The following CYP2C19 variants were observed in gnomAD, a reference collection of about 807,000 sequenced individuals.
The protein encoded by CYP2C19 is cytochrome P450 family 2 subfamily C member 19, also known as cytochrome P450 2C19.
In CYP2C19, 59 loss-of-function variants were observed where a neutral mutation model predicts 40.9. The ratio of observed to expected loss-of-function variants is 1.44; its 90% CI spans 1.17 to 1.79. The LOEUF (loss-of-function observed/expected upper bound fraction) is 1.79, where lower values mean the gene tolerates loss of function less well. Ranked by LOEUF, CYP2C19 falls within the 40% of genes most tolerant of loss-of-function variation. The probability of loss-of-function intolerance (pLI) is 0.00; values close to 1 mark genes in which losing one functional copy is unlikely to be tolerated. For synonymous variants in CYP2C19, 253 were observed against 208.7 expected (o/e 1.21, Z -1.83); for missense variants, 754 against 596.9 (o/e 1.26, Z -2.74).
chr10:94,803,118 T>A (rs1157867245), intron 5 of CYP2C19, among the ~76,000 whole-genome samples: 1 of 152,196 alleles, frequency 6.6e-6, no homozygotes, highest in Non-Finnish European at 1.5e-5. Context: ...TTTGGTGGTT[T>A]TACAATATTC....
Position 94,781,913 on chromosome 10 carries a change from G to A in CYP2C19, c.735G>A (p.Leu245=), listed in dbSNP as rs1446402557. The part of the protein sequence containing the change: ...KNLAFMESDI[L]EKVKEHQESM... ...TTGCTTTTATGGAAAGTGATATTTT[G>A]GAGAAAGTAAAAGAACACCAAGAAT... Residue 245 remains leucine, a synonymous_variant, in exon 5 of 9, where the codon TTG becomes TTA. Transcript: ENST00000371321. The A allele has an allele frequency of 5.3e-6, 8 of 1,501,204 alleles. No individual in the cohort carries two copies. The highest frequency in any genetic ancestry group is 7.0e-6 in the Non-Finnish European group (8 of 1,136,900). 93.0% of individuals were successfully genotyped at this position (1,501,204 alleles called of 1,614,324 possible).
intron 1 of CYP2C19, among the ~76,000 whole-genome samples, chr10:94,764,338 G>A (rs1025797674): frequency 6.6e-6 from 1 of 152,120 alleles, no homozygotes; most frequent in Non-Finnish European, 1.5e-5. Flanking sequence ...GTGCTGATTG[G>A]TGTGTTTACA....
intron 1 of CYP2C19, among the ~76,000 whole-genome samples, chr10:94,766,910 G>A (rs566182989): frequency 6.6e-6 from 1 of 152,188 alleles, no homozygotes; most frequent in African/African-American, 2.4e-5. Flanking sequence ...CCATAGATAG[G>A]GAGGTAGAGG....
At chr10:94,846,576 T>C (rs942675690) in intron 7 of CYP2C19, among the ~76,000 whole-genome samples, 11 of 152,180 alleles carry the variant, frequency 7.2e-5, no homozygotes, top group African/African-American at 2.2e-4. Context: ...TCATTGATGA[T>C]CCTTGCCTGG....
chr10:94,850,331 T>C (rs1849634172), intron 8 of CYP2C19, among the ~76,000 whole-genome samples: 1 of 152,168 alleles, frequency 6.6e-6, no homozygotes. Flanking sequence ...ACTGAGGTAC[T>C]CAAGAACTCC....
chr10:94,818,628 A>G (rs1427586800), intron 5 of CYP2C19, among the ~76,000 whole-genome samples: 1 of 146,198 alleles, frequency 6.8e-6, no homozygotes, highest in Non-Finnish European at 1.5e-5. Flanking sequence ...TTGGATTCCT[A>G]GGTATTTTAT....
chr10:94,828,679 G>A (rs1421621488), intron 6 of CYP2C19, among the ~76,000 whole-genome samples: 1 of 150,346 alleles, frequency 6.7e-6, no homozygotes, highest in Non-Finnish European at 1.5e-5. Context: ...AGTTAATATT[G>A]TTATGTGTGA....
rs1370509290 is a variant in CYP2C19 at position 94,845,879 on chromosome 10, C to T, written c.1149+2855C>T. On this transcript the variant is annotated intron_variant, in intron 7 of 8. Coordinates refer to ENST00000371321, the MANE Select transcript of CYP2C19 (RefSeq NM_000769.4). ...TTATAAAATTTTTAAGAATAAATAA[C>T]ATTACACACATATATCTATATGTAC... 2.0e-5 allele frequency among the ~76,000 whole-genome samples: 3 copies of T among 151,926 alleles called. 1 individual carries two copies. The South Asian group carries it at 6.2e-4, about 31-fold the overall frequency.
chr10:94,837,532 G>C (rs1255944336), intron 6 of CYP2C19, among the ~76,000 whole-genome samples: 1 of 152,110 alleles, frequency 6.6e-6, no homozygotes, highest in African/African-American at 2.4e-5. Context: ...CAGGGGAGTG[G>C]GGCTTTCAGG....
In CYP2C19 at chr10:94,854,261, C is replaced by T. The variant is rs995007209; in HGVS notation, c.*1347C>T. On this transcript the variant is annotated 3_prime_UTR_variant, in exon 9 of 9. Transcript: ENST00000371321. ...CTTGAACTCCTGACCTCAAGTGATC[C>T]ACCCACCTCAGCCTCCCAAACTGCT... Among the ~76,000 whole-genome samples, 2 of 151,720 alleles carry T rather than the reference C, an allele frequency of 1.3e-5. No individual in the cohort carries two copies. The highest frequency in any genetic ancestry group is 6.6e-5 in the Admixed American group (1 of 15,240).
chr10:94,805,583 C>T (rs1848823591), intron 5 of CYP2C19, among the ~76,000 whole-genome samples: 5 of 152,044 alleles, frequency 3.3e-5, no homozygotes, highest in African/African-American at 2.4e-5. Flanking sequence ...AACCTTATAC[C>T]CATTTAATAG....
At chr10:94,764,995 A>G (rs941395911) in intron 1 of CYP2C19, among the ~76,000 whole-genome samples, 1 of 152,136 alleles carries the variant, frequency 6.6e-6, no homozygotes, top group Non-Finnish European at 1.5e-5. Context: ...TCTTCCCCTA[A>G]GAAGGTGCAG....
intron 5 of CYP2C19, among the ~76,000 whole-genome samples, chr10:94,812,478 T>C (rs1848942149): frequency 6.6e-6 from 1 of 152,116 alleles, no homozygotes; most frequent in South Asian, 2.1e-4. Flanking sequence ...TTTTACAACT[T>C]GGTTCCATTC....
intron 1 of CYP2C19, 56 bp from the exon 2 acceptor site, chr10:94,775,002 T>G: frequency 6.4e-7 from 1 of 1,572,266 alleles, no homozygotes; most frequent in Non-Finnish European, 8.7e-7. Context: ...AAGTCAGGCT[T>G]AGTAAATGGA....
At chr10:94,838,787 C>T (rs1029506580) in intron 6 of CYP2C19, among the ~76,000 whole-genome samples, 1 of 152,082 alleles carries the variant, frequency 6.6e-6, no homozygotes, top group African/African-American at 2.4e-5. Context: ...GAAAGTTGTA[C>T]ATATGGCACT....
chr10:94,791,403 G>T (rs1433043043), intron 5 of CYP2C19, among the ~76,000 whole-genome samples: 2 of 152,042 alleles, frequency 1.3e-5, no homozygotes, highest in Non-Finnish European at 2.9e-5. Flanking sequence ...CTTGTCTTCT[G>T]CTAGCTTTTG....
chr10:94,769,141 G>C lies in CYP2C19; in HGVS notation c.169-5917G>C, dbSNP rs563753179. 3.1e-3 allele frequency among the ~76,000 whole-genome samples: 474 copies of C among 152,044 alleles called. 3 individuals carry two copies. Among genetic ancestry groups the C allele is most frequent in the African/African-American group, 0.011 (452 of 41,488 alleles). ...AGGCCTAGATATTTGACCTGCTGTA[G>C]GCAAAGCTGGGCCTTTGACCTAGAC... On this transcript the variant is annotated intron_variant, in intron 1 of 8. Coordinates refer to ENST00000371321, the MANE Select transcript of CYP2C19 (RefSeq NM_000769.4).
intron 1 of CYP2C19, 108 bp downstream of exon 1, chr10:94,762,981 A>G: frequency 8.3e-7 from 1 of 1,208,254 alleles, no homozygotes; most frequent in South Asian, 1.3e-5. Flanking sequence ...ATTGTAAAGT[A>G]AAATACTTTG....
At position 94,839,947 on chromosome 10, in the gene CYP2C19, G is replaced by A. The variant is rs115145208; in HGVS notation, c.962-2890G>A. 3.1e-3 allele frequency among the ~76,000 whole-genome samples: 467 copies of A among 152,202 alleles called. 3 individuals carry two copies. Among genetic ancestry groups the A allele is most frequent in the African/African-American group, 0.011 (441 of 41,512 alleles). On this transcript the variant is annotated intron_variant, in intron 6 of 8. Transcript: ENST00000371321. ...TTTTTCTAACCTTATAGCCCCATAC[G>A]TTAAGATTTTTGAGTTAGTGAGCTA...
Sources: allele counts gnomAD v4.1 joint callset (sites outside exome capture counted in the v4.1 genomes callset), GRCh38; gene constraint gnomAD v4.1.1; transcripts MANE v1.5; gene names NCBI Gene and HGNC (gene_info 2026-07-23, HGNC 2026-07-21).